IL1RAPL1: variants seen among roughly 807,000 people sequenced by gnomAD.
IL1RAPL1 encodes the protein interleukin-1 receptor accessory protein-like 1.
A neutral mutation model predicts 48.4 loss-of-function variants in IL1RAPL1; 3 were observed. That is an observed-to-expected ratio of 0.06 (90% CI 0.03 to 0.16). IL1RAPL1 has a LOEUF of 0.16. Among genes scored for constraint, IL1RAPL1 ranks in the 10% least tolerant of loss-of-function variants. The pLI is 1.00. For synonymous variants in IL1RAPL1, 185 were observed against 187.7 expected, an observed-to-expected ratio of 0.99 and a Z score of 0.12; for missense variants, 349 against 530.6, an observed-to-expected ratio of 0.66 and a Z score of 3.36.
intron 6 of IL1RAPL1, among the ~76,000 whole-genome samples, chrX:29,748,342 A>T (rs113060258): frequency 8.9e-6 from 1 of 112,537 alleles, no homozygotes; most frequent in Non-Finnish European, 1.9e-5. Context: ...AGAAGGCTGG[A>T]TGTGAACATA....
chrX:29,466,818 C>T (rs1420785243), intron 5 of IL1RAPL1, among the ~76,000 whole-genome samples: 1 of 111,761 alleles, frequency 8.9e-6, no homozygotes, highest in African/African-American at 3.3e-5. Flanking sequence ...GTGAAGTAGG[C>T]AGGGAAGTTA....
intron 1 of IL1RAPL1, among the ~76,000 whole-genome samples, chrX:28,635,932 C>T (rs1934459247): frequency 8.9e-6 from 1 of 111,955 alleles, no homozygotes; most frequent in Non-Finnish European, 1.9e-5. Flanking sequence ...TGTCTTCCTC[C>T]AAGAACTTTT....
intron 1 of IL1RAPL1, among the ~76,000 whole-genome samples, chrX:28,779,191 A>G (rs1014947606): frequency 9.0e-6 from 1 of 111,509 alleles, no homozygotes; most frequent in African/African-American, 3.3e-5. Flanking sequence ...TATATTGGTT[A>G]CATTAGGCAA....
chrX:29,265,165 G>A (rs1057059153), intron 2 of IL1RAPL1, among the ~76,000 whole-genome samples: 4 of 110,718 alleles, frequency 3.6e-5, no homozygotes, highest in Non-Finnish European at 5.7e-5. Context: ...CGCCCACCTC[G>A]GCCTCCCAAA....
chrX:29,107,849 C>T (rs1928478409), intron 2 of IL1RAPL1, among the ~76,000 whole-genome samples: 1 of 112,171 alleles, frequency 8.9e-6, no homozygotes, highest in African/African-American at 3.2e-5. Context: ...GAGCACATAT[C>T]CATCAGGATG....
At chrX:29,045,427 T>C (rs1057315961) in intron 2 of IL1RAPL1, among the ~76,000 whole-genome samples, 14 of 112,089 alleles carry the variant, frequency 1.2e-4, no homozygotes, top group African/African-American at 4.5e-4. Flanking sequence ...AATATTGTTC[T>C]TTATTAGGTT....
intron 1 of IL1RAPL1, among the ~76,000 whole-genome samples, chrX:28,749,806 T>TA (rs895191925): frequency 2.9e-4 from 32 of 109,141 alleles, no homozygotes; most frequent in African/African-American, 9.3e-4. Flanking sequence ...AGTTCTTATC[T>TA]AAAAAAAAAT....
intron 2 of IL1RAPL1, among the ~76,000 whole-genome samples, chrX:28,952,103 A>G (rs1336611780): frequency 9.0e-6 from 1 of 111,141 alleles, no homozygotes; most frequent in East Asian, 2.8e-4. Context: ...TTCCCCATAC[A>G]CACTTTCATT....
chrX:29,326,376 G>A (rs183003777), intron 3 of IL1RAPL1, among the ~76,000 whole-genome samples: 18 of 112,249 alleles, frequency 1.6e-4, no homozygotes, highest in Non-Finnish European at 3.0e-4. Context: ...CAAGGAAAAA[G>A]TTTCTTATTG....
At chrX:29,868,964 C>T (rs1000552662) in intron 6 of IL1RAPL1, among the ~76,000 whole-genome samples, 5 of 111,875 alleles carry the variant, frequency 4.5e-5, no homozygotes, top group African/African-American at 1.6e-4. Context: ...TTTTGGACTA[C>T]GTCCTCTCTA....
intron 1 of IL1RAPL1, among the ~76,000 whole-genome samples, chrX:28,652,221 T>C (rs941231036): frequency 9.0e-6 from 1 of 111,332 alleles, no homozygotes; most frequent in Non-Finnish European, 1.9e-5. Flanking sequence ...CCTGGGAGAC[T>C]ACTCTGTTGT....
chrX:29,367,391 G>T (rs1933477031), intron 3 of IL1RAPL1, among the ~76,000 whole-genome samples: 1 of 110,846 alleles, frequency 9.0e-6, no homozygotes. Context: ...TAATGCATTT[G>T]AAGAATATTG....
intron 6 of IL1RAPL1, among the ~76,000 whole-genome samples, chrX:29,857,918 A>G (rs1931504983): frequency 8.9e-6 from 1 of 111,812 alleles, no homozygotes; most frequent in Admixed American, 9.5e-5. Flanking sequence ...TTGACTCTCC[A>G]TCTCTGGTGA....
At chrX:28,988,450 A>G (rs1055474789) in intron 2 of IL1RAPL1, among the ~76,000 whole-genome samples, 8 of 111,080 alleles carry the variant, frequency 7.2e-5, no homozygotes, top group African/African-American at 2.6e-4. Context: ...TCCCTCACAT[A>G]TAGCTTTGTC....
At chrX:29,205,023 G>T (rs963566028) in intron 2 of IL1RAPL1, among the ~76,000 whole-genome samples, 6 of 111,997 alleles carry the variant, frequency 5.4e-5, no homozygotes, top group Non-Finnish European at 7.5e-5. Context: ...AAATTTAAGG[G>T]AACTGGTGTC....
chrX:29,219,501 T>C (rs935879943), intron 2 of IL1RAPL1, among the ~76,000 whole-genome samples: 1 of 111,277 alleles, frequency 9.0e-6, no homozygotes, highest in African/African-American at 3.3e-5. Flanking sequence ...CTAAAAGTCA[T>C]CACAGAGTTC....
intron 6 of IL1RAPL1, among the ~76,000 whole-genome samples, chrX:29,770,273 A>G (rs758297369): frequency 2.6e-4 from 29 of 111,854 alleles, no homozygotes; most frequent in Non-Finnish European, 5.1e-4. Context: ...GTTGAAACTC[A>G]AGTTCGGTGC....
At chrX:29,726,264 A>C (rs1283976799) in intron 6 of IL1RAPL1, among the ~76,000 whole-genome samples, 3 of 112,449 alleles carry the variant, frequency 2.7e-5, no homozygotes, top group Non-Finnish European at 3.8e-5. Context: ...ATATGTATTT[A>C]TCTTGTACAA....
chrX:29,743,470 A>C (rs57804993), intron 6 of IL1RAPL1, among the ~76,000 whole-genome samples: 1 of 111,271 alleles, frequency 9.0e-6, no homozygotes, highest in African/African-American at 3.3e-5. Context: ...TTGATGAGAT[A>C]AAAGGTCTTT....
Sources: allele counts gnomAD v4.1 joint callset (sites outside exome capture counted in the v4.1 genomes callset), GRCh38; gene constraint gnomAD v4.1.1; transcripts MANE v1.5; gene names NCBI Gene and HGNC (gene_info 2026-07-23, HGNC 2026-07-21).